DIPK1A: variants seen among roughly 807,000 people sequenced by gnomAD.
DIPK1A encodes the protein family with sequence similarity 69 member A.
In DIPK1A, 27 loss-of-function variants were observed where a neutral mutation model predicts 40.8. That is an observed-to-expected ratio of 0.66 (90% confidence interval 0.49 to 0.91). The LOEUF is 0.91. Ranked by LOEUF, DIPK1A falls within the 40% of genes least tolerant of loss-of-function variation. The probability of loss-of-function intolerance (pLI) is 0.00; values close to 1 mark genes in which losing one functional copy is unlikely to be tolerated. For missense variants in DIPK1A, 412 were observed against 505.7 expected (o/e 0.81, Z 1.78); for synonymous variants, 166 against 171.3 (o/e 0.97, Z 0.24).
intron 1 of DIPK1A, among the ~76,000 whole-genome samples, chr1:92,878,382 GA>G (rs1648218862): frequency 6.6e-6 from 1 of 152,070 alleles, no homozygotes. Flanking sequence ...TTGTCTCTAT[GA>G]AAAAATTTAA....
chr1:92,890,536 A>C (rs891091468), intron 1 of DIPK1A, among the ~76,000 whole-genome samples: 2 of 152,122 alleles, frequency 1.3e-5, no homozygotes, highest in Middle Eastern at 3.2e-3. Context: ...AAGGTGTTTA[A>C]TTTTATTGAA....
intron 1 of DIPK1A, among the ~76,000 whole-genome samples, chr1:92,930,056 G>T (rs1254282938): frequency 6.6e-6 from 1 of 152,186 alleles, no homozygotes; most frequent in East Asian, 1.9e-4. Flanking sequence ...ACTGGCTTAG[G>T]CTTGGGTCAC....
At position 92,836,197 on chromosome 1, in the gene DIPK1A, A is replaced by G. The variant is rs757337697; in HGVS notation, c.475-3163T>C. On this transcript the variant is annotated intron_variant, in intron 4 of 4. Transcript: ENST00000615519. ...CATTGGTTTCTTGAATAGCTTCTCA[A>G]TAGGTTTGGCATGGACAAGATCTAT... 6.2e-6 allele frequency: 10 copies of G among 1,612,210 alleles called. No individual in the cohort carries two copies. The African/African-American group carries it at 6.7e-5, about 11-fold the overall frequency.
At chr1:92,858,035 A>C (rs1291765955) in intron 2 of DIPK1A, among the ~76,000 whole-genome samples, 1 of 152,218 alleles carries the variant, frequency 6.6e-6, no homozygotes, top group Non-Finnish European at 1.5e-5. Flanking sequence ...GACTTTGTAC[A>C]ATGCCTGACG....
At chr1:92,895,300 T>A (rs1361294132) in intron 1 of DIPK1A, among the ~76,000 whole-genome samples, 1 of 152,068 alleles carries the variant, frequency 6.6e-6, no homozygotes, top group Admixed American at 6.6e-5. Context: ...AAAAAGCTTA[T>A]CCACCATGAT....
At chr1:92,884,508 T>C (rs542569047) in intron 1 of DIPK1A, among the ~76,000 whole-genome samples, 64 of 148,090 alleles carry the variant, frequency 4.3e-4, no homozygotes, top group African/African-American at 1.7e-3. Context: ...ATAGAATTCA[T>C]ATTACCTTAT....
At chr1:92,845,619 AC>A in intron 4 of DIPK1A, 7 of 251,346 alleles carry the variant, frequency 2.8e-5, no homozygotes, top group Non-Finnish European at 5.5e-5. Context: ...CGGGTGGATC[AC>A]CATGAGGTCA....
intron 1 of DIPK1A, among the ~76,000 whole-genome samples, chr1:92,946,439 C>G (rs1651364494): frequency 6.6e-6 from 1 of 151,884 alleles, no homozygotes; most frequent in Non-Finnish European, 1.5e-5. Flanking sequence ...TTCTCATGTC[C>G]CTTCTAAAAA....
chr1:92,837,515 G>A (rs771013653), downstream of DIPK1A: 73 of 1,612,358 alleles, frequency 4.5e-5, no homozygotes, highest in Middle Eastern at 2.1e-4. Flanking sequence ...GAAGTACATC[G>A]GAAGCACATC....
intron 1 of DIPK1A, among the ~76,000 whole-genome samples, chr1:92,927,370 T>G (rs1352005732): frequency 1.4e-5 from 2 of 147,006 alleles, no homozygotes; most frequent in African/African-American, 2.5e-5. Context: ...TGTTGTTTTT[T>G]TTTTTTTTTT....
chr1:92,923,185 C>A (rs1366818474), intron 1 of DIPK1A, among the ~76,000 whole-genome samples: 1 of 152,196 alleles, frequency 6.6e-6, no homozygotes, highest in East Asian at 1.9e-4. Context: ...GTTGCCCAGG[C>A]TGGGGTGCAG....
chr1:92,909,134 T>A (rs2100833374), intron 1 of DIPK1A, among the ~76,000 whole-genome samples: 1 of 152,302 alleles, frequency 6.6e-6, no homozygotes, highest in East Asian at 1.9e-4. Flanking sequence ...TTTGCTACAC[T>A]AAAACTCTTT....
At chr1:92,862,264 A>G (rs1421442276) in intron 2 of DIPK1A, among the ~76,000 whole-genome samples, 1 of 152,152 alleles carries the variant, frequency 6.6e-6, no homozygotes, top group Non-Finnish European at 1.5e-5. Context: ...ACCTAAAAGC[A>G]ATTCACACTC....
rs1557449955 is a variant in DIPK1A, at chr1:92,846,846, T to TATATATATATATATATATATACACACAC, written c.474+336_474+337insGTGTGTGTATATATATATATATATATAT. On this transcript the variant is annotated intron_variant, in intron 4 of 4. Coordinates refer to ENST00000370310, the MANE Select transcript of DIPK1A (RefSeq NM_001006605.5). Reference sequence around the variant, plus strand: ...ATATATATATATATATATATATGTGTGTATATATATATGTGTGTATATATA... The same window carrying TATATATATATATATATATATACACACAC: ...ATATATATATATATATATATATGTGTATATATATATATATATATATACACACACGTATATATATATGTGTGTATATATA... 1.6e-3 allele frequency among the ~76,000 whole-genome samples: 2 copies of TATATATATATATATATATATACACACAC among 1,280 alleles called. 1 individual carries two copies. The highest frequency in any genetic ancestry group is 0.012 in the African/African-American group (2 of 166). The allele number at this position is 1,280 out of a possible 152,430, so 0.8% of individuals were successfully genotyped here.
chr1:92,897,520 G>C (rs376840437), intron 1 of DIPK1A, among the ~76,000 whole-genome samples: 16 of 151,990 alleles, frequency 1.1e-4, no homozygotes, highest in East Asian at 5.8e-4. Context: ...GTGGGCGGAG[G>C]GGGGAGGGAT....
At chr1:92,882,067 C>A (rs1038947314) in intron 1 of DIPK1A, among the ~76,000 whole-genome samples, 1 of 152,032 alleles carries the variant, frequency 6.6e-6, no homozygotes, top group Admixed American at 6.6e-5. Context: ...AAGCAAATAT[C>A]TAAATAACTA....
intron 1 of DIPK1A, among the ~76,000 whole-genome samples, chr1:92,947,158 T>C (rs1329983214): frequency 1.3e-5 from 2 of 152,144 alleles, no homozygotes; most frequent in African/African-American, 4.8e-5. Context: ...AAGTTTTAAG[T>C]ATGTAAGAAT....
At chr1:92,907,029 TA>T (rs1649651884) in intron 1 of DIPK1A, among the ~76,000 whole-genome samples, 1 of 152,198 alleles carries the variant, frequency 6.6e-6, no homozygotes, top group Admixed American at 6.5e-5. Flanking sequence ...AATGACAAAA[TA>T]ATCTAAAATT....
chr1:92,833,050 AT>A (rs746149734), intron 4 of DIPK1A: 5 of 734,324 alleles, frequency 6.8e-6, no homozygotes, highest in Non-Finnish European at 7.5e-6. Context: ...AGAAACAAAT[AT>A]GGAAATTGAA....
Sources: allele counts gnomAD v4.1 joint callset (sites outside exome capture counted in the v4.1 genomes callset), GRCh38; gene constraint gnomAD v4.1.1; transcripts MANE v1.5; gene names NCBI Gene and HGNC (gene_info 2026-07-23, HGNC 2026-07-21).